Variants in FARS2 observed in about 807,000 individuals in gnomAD.
FARS2 encodes the protein phenylalanyl-tRNA synthetase 2, mitochondrial, also known as phenylalanine--tRNA ligase, mitochondrial.
In FARS2, 40 loss-of-function variants were observed where a neutral mutation model predicts 46.4. The ratio of observed to expected loss-of-function variants is 0.86; its 90% confidence interval spans 0.67 to 1.12. FARS2 has a LOEUF of 1.12. FARS2 is among the 50% of genes most tolerant of loss of function. The pLI is 0.00. For missense variants in FARS2, 513 were observed against 567.9 expected (o/e 0.90, Z 0.98); for synonymous variants, 234 against 214.9 (o/e 1.09, Z -0.78).
Position 5,368,766 on chromosome 6 carries a change from C to A in FARS2, c.196C>A (p.Leu66Ile), listed in dbSNP as rs1280246537. 1.9e-6 allele frequency: 3 copies of A among 1,614,066 alleles called. No individual in the cohort carries two copies. The Admixed American group carries it at 5.0e-5, about 27-fold the overall frequency. The change falls in exon 2 of 7, where the codon CTC (leucine) becomes ATC (isoleucine). Residue 66 changes from leucine (L) to isoleucine (I), a missense_variant. Coordinates refer to ENST00000274680, the MANE Select transcript of FARS2 (RefSeq NM_006567.5). ...KSYPQDDHSNLTRKVLTRVGR... is the reference protein window; with the variant it reads ...KSYPQDDHSNITRKVLTRVGR... Reference sequence around the variant, plus strand: ...CTACCCTCAGGACGACCACAGCAACCTCACCCGGAAGGTCCTCACCAGAGT... The same window carrying A: ...CTACCCTCAGGACGACCACAGCAACATCACCCGGAAGGTCCTCACCAGAGT...
chr6:5,766,403 A>G (rs1268773644), intron 6 of FARS2, among the ~76,000 whole-genome samples: 7 of 152,206 alleles, frequency 4.6e-5, no homozygotes, highest in African/African-American at 1.7e-4. Context: ...AAAGACATTA[A>G]ATCGTCTGTG....
intron 3 of FARS2, among the ~76,000 whole-genome samples, chr6:5,419,735 T>C (rs916364652): frequency 8.5e-5 from 13 of 152,142 alleles, no homozygotes; most frequent in African/African-American, 2.4e-4. Context: ...GTGACAGTAT[T>C]TGACTTCCTT....
Position 5,311,973 on chromosome 6 carries a change from G to A in FARS2, c.-22+50313G>A, listed in dbSNP as rs1202887267. Among the ~76,000 whole-genome samples the A allele has an allele frequency of 1.3e-5, 2 of 152,134 alleles. No homozygotes were observed. The highest frequency in any genetic ancestry group is 2.4e-5 in the African/African-American group (1 of 41,428). On this transcript the variant is annotated intron_variant, in intron 1 of 6. Transcript: ENST00000274680. This position sits in a 1 kb window ranked among gnomAD's most constrained non-coding sequence, Gnocchi z 4.1. ...TAGTTTAAATAACTTTCCGTGCATCGTAGAATCTTCGGTGTGTTGAAGGGT... is the reference window on the plus strand; with the variant it reads ...TAGTTTAAATAACTTTCCGTGCATCATAGAATCTTCGGTGTGTTGAAGGGT...
chr6:5,743,844 A>G (rs1441147411), intron 6 of FARS2, among the ~76,000 whole-genome samples: 1 of 152,236 alleles, frequency 6.6e-6, no homozygotes, highest in East Asian at 1.9e-4. Flanking sequence ...CAGGCATTTA[A>G]TAACTGTCTT....
At chr6:5,387,187 C>T (rs1202182420) in intron 2 of FARS2, among the ~76,000 whole-genome samples, 1 of 152,080 alleles carries the variant, frequency 6.6e-6, no homozygotes, top group Non-Finnish European at 1.5e-5. Context: ...GAGAAAGAGC[C>T]TTTGGAGAGA....
At chr6:5,433,326 A>G (rs1763337805) in intron 4 of FARS2, among the ~76,000 whole-genome samples, 1 of 152,252 alleles carries the variant, frequency 6.6e-6, no homozygotes, top group Non-Finnish European at 1.5e-5. Flanking sequence ...CACAGCAAGC[A>G]TTCAGTAAAA....
chr6:5,413,686 A>G (rs898456890), intron 3 of FARS2, among the ~76,000 whole-genome samples: 4 of 152,186 alleles, frequency 2.6e-5, no homozygotes, highest in African/African-American at 9.7e-5. Flanking sequence ...TGGACACTTG[A>G]TGAAAACCTA....
At chr6:5,533,869 C>G (rs948703810) in intron 4 of FARS2, among the ~76,000 whole-genome samples, 1 of 152,138 alleles carries the variant, frequency 6.6e-6, no homozygotes, top group East Asian at 1.9e-4. Context: ...TAAGGGGACC[C>G]GGTGGCAAGA....
In FARS2 at chr6:5,495,431, C is replaced by T. The variant is rs191495886; in HGVS notation, c.905-49749C>T. 2.6e-4 allele frequency among the ~76,000 whole-genome samples: 39 copies of T among 152,266 alleles called. 1 individual carries two copies. The highest frequency in any genetic ancestry group is 4.9e-4 in the Non-Finnish European group (33 of 68,024). ...TGTACATGGGGCTTTGATATTTTGC[C>T]AACTGTTTTCTATAATTAAAAGTGA... On this transcript the variant is annotated intron_variant, in intron 4 of 6. Coordinates refer to ENST00000274680, the MANE Select transcript of FARS2 (RefSeq NM_006567.5).
At chr6:5,693,331 C>T (rs1757887396) in intron 6 of FARS2, among the ~76,000 whole-genome samples, 1 of 152,226 alleles carries the variant, frequency 6.6e-6, no homozygotes, top group African/African-American at 2.4e-5. Flanking sequence ...GATCTGCCCC[C>T]TCACCACTAA....
Position 5,264,970 on chromosome 6 carries a change from G to GTT in FARS2, c.-22+3324_-22+3325dup, listed in dbSNP as rs55760923. On this transcript the variant is annotated intron_variant, in intron 1 of 6. Transcript: ENST00000274680. ...CACCATGCCTGGCAGATTTTTAAGT[G>GTT]TTTTTTTTTTTTTTTGTAGAGATGA... 3.0e-3 allele frequency among the ~76,000 whole-genome samples: 402 copies of GTT among 136,174 alleles called. 2 individuals are homozygous for GTT. The highest frequency in any genetic ancestry group is 7.4e-3 in the Middle Eastern group (2 of 270). The allele number at this position is 136,174 out of a possible 152,430, so 89.3% of individuals were successfully genotyped here. A position where few individuals can be genotyped will look rare whatever the true frequency, so the allele number is the denominator to read the frequency against.
chr6:5,718,221 G>A (rs6924857), intron 6 of FARS2, among the ~76,000 whole-genome samples: 4,108 of 152,116 alleles, frequency 0.027, 171 homozygotes, highest in African/African-American at 0.091. Context: ...GCCAGTATCA[G>A]CTATTAAAGG....
chr6:5,501,476 T>A (rs1224026893), intron 4 of FARS2, among the ~76,000 whole-genome samples: 1 of 152,024 alleles, frequency 6.6e-6, no homozygotes, highest in Non-Finnish European at 1.5e-5. Flanking sequence ...GGTTCTCATT[T>A]TTTTATTTTA....
At chr6:5,656,244 C>T (rs891861945) in intron 6 of FARS2, among the ~76,000 whole-genome samples, 2 of 152,248 alleles carry the variant, frequency 1.3e-5, no homozygotes, top group African/African-American at 4.8e-5. Context: ...TCTGTGCCAA[C>T]CTGTCACTGG....
rs77743124 is a variant in FARS2, at chr6:5,311,692, G to A, written c.-22+50032G>A. On this transcript the variant is annotated intron_variant, in intron 1 of 6. Coordinates refer to ENST00000274680, the MANE Select transcript of FARS2 (RefSeq NM_006567.5). This position sits in a 1 kb window ranked among gnomAD's most constrained non-coding sequence, Gnocchi z 4.1. ...GAGTTTCTCAGTTTTTGACCTGGGTGTCTTATTTAGCTAAGACTAGGACCA... is the reference window on the plus strand; with the variant it reads ...GAGTTTCTCAGTTTTTGACCTGGGTATCTTATTTAGCTAAGACTAGGACCA... Among the ~76,000 whole-genome samples, 213 of 152,260 alleles carry A rather than the reference G, an allele frequency of 1.4e-3. 2 individuals carry two copies. The highest frequency in any genetic ancestry group is 4.6e-3 in the African/African-American group (193 of 41,562).
At chr6:5,307,995 G>T (rs1263660773) in intron 1 of FARS2, among the ~76,000 whole-genome samples, 2 of 152,116 alleles carry the variant, frequency 1.3e-5, no homozygotes, top group African/African-American at 4.8e-5. Context: ...GCAACTATTT[G>T]CAATTTATAT....
chr6:5,709,566 T>C (rs577151991), intron 6 of FARS2, among the ~76,000 whole-genome samples: 36 of 152,330 alleles, frequency 2.4e-4, no homozygotes, highest in African/African-American at 7.0e-4. Context: ...TTTGCACATC[T>C]TTAAAGCCTA....
rs2326640 is a variant in FARS2 at position 5,546,524 on chromosome 6, A to G, written c.1065+1184A>G. 9.1e-3 allele frequency among the ~76,000 whole-genome samples: 1,380 copies of G among 151,924 alleles called. 17 individuals are homozygous for G. The highest frequency in any genetic ancestry group is 0.031 in the African/African-American group (1,279 of 41,444). ...CTTGGCCTCCCGAAGTGCTGGGATT[A>G]CAGGAGTGAGCCACTGCGCCCAGCC... On this transcript the variant is annotated intron_variant, in intron 5 of 6. Transcript: ENST00000274680.
chr6:5,301,796 CACACAT>C (rs1393958322), intron 1 of FARS2, among the ~76,000 whole-genome samples: 17 of 128,578 alleles, frequency 1.3e-4, no homozygotes, highest in African/African-American at 5.9e-4. Context: ...CTATCTCACA[CACACAT>C]ACACACACAC....
Sources: allele counts gnomAD v4.1 joint callset (sites outside exome capture counted in the v4.1 genomes callset), GRCh38; gene constraint gnomAD v4.1.1; non-coding constraint Gnocchi (gnomAD v3.1); transcripts MANE v1.5; gene names NCBI Gene and HGNC (gene_info 2026-07-23, HGNC 2026-07-21).